PACRG: variants seen among roughly 807,000 people sequenced by gnomAD.
PACRG encodes parkin coregulated gene protein.
A neutral mutation model predicts 29.7 loss-of-function variants in PACRG; 29 were observed. That is an observed-to-expected ratio of 0.98 (90% CI 0.73 to 1.33). PACRG has a LOEUF of 1.33. Ranked by LOEUF, PACRG falls within the 40% of genes most tolerant of loss-of-function variation. PACRG has a pLI of 0.00. For synonymous variants in PACRG, 116 were observed against 118.7 expected (o/e 0.98, Z 0.15); for missense variants, 279 against 316.2 (o/e 0.88, Z 0.89).
intron 1 of PACRG, among the ~76,000 whole-genome samples, chr6:162,807,049 A>G (rs1043524392): frequency 1.3e-5 from 2 of 152,214 alleles, no homozygotes; most frequent in Non-Finnish European, 2.9e-5. Context: ...TTCTTTCCAT[A>G]CATCTCACAA....
At chr6:162,947,465 T>C (rs1229811173) in intron 2 of PACRG, among the ~76,000 whole-genome samples, 1 of 23,124 alleles carries the variant, frequency 4.3e-5, no homozygotes, top group Non-Finnish European at 1.5e-4. Context: ...TATATAATCA[T>C]ATATAATATA....
chr6:162,896,145 G>A (rs924631271), intron 2 of PACRG, among the ~76,000 whole-genome samples: 13 of 152,202 alleles, frequency 8.5e-5, no homozygotes, highest in African/African-American at 3.1e-4. Context: ...GGCCTAGGCA[G>A]GGTGGTCACA....
At chr6:162,933,864 G>A (rs755253063) in intron 2 of PACRG, among the ~76,000 whole-genome samples, 6 of 152,310 alleles carry the variant, frequency 3.9e-5, no homozygotes, top group Non-Finnish European at 7.4e-5. Context: ...GAAGGCAAAG[G>A]TGAACATGTG....
intron 2 of PACRG, among the ~76,000 whole-genome samples, chr6:162,866,563 A>G (rs1335226273): frequency 6.6e-6 from 1 of 152,170 alleles, no homozygotes; most frequent in Non-Finnish European, 1.5e-5. Flanking sequence ...GCCACTTCAG[A>G]TATTTCATTA....
chr6:163,210,302 A>T (rs892006359), intron 4 of PACRG, among the ~76,000 whole-genome samples: 3 of 152,252 alleles, frequency 2.0e-5, no homozygotes, highest in African/African-American at 7.2e-5. Flanking sequence ...TTGTAATACC[A>T]ATGTGTAATC....
intron 1 of PACRG, among the ~76,000 whole-genome samples, chr6:162,746,848 T>C (rs138680429): frequency 6.6e-6 from 1 of 152,304 alleles, no homozygotes; most frequent in East Asian, 1.9e-4. Flanking sequence ...GGTAATTAAT[T>C]GACTAGGATC....
At chr6:163,235,197 A>G (rs1469512632) in intron 4 of PACRG, among the ~76,000 whole-genome samples, 3 of 152,172 alleles carry the variant, frequency 2.0e-5, no homozygotes, top group African/African-American at 7.2e-5. Flanking sequence ...AGCAGTTCAG[A>G]CGCACCACAT....
At chr6:163,224,629 C>A (rs1441790998) in intron 4 of PACRG, among the ~76,000 whole-genome samples, 2 of 152,010 alleles carry the variant, frequency 1.3e-5, no homozygotes, top group Admixed American at 1.3e-4. Flanking sequence ...AACTGGATAT[C>A]CACATGCAGA....
At chr6:163,163,381 C>T (rs1778648522) in intron 4 of PACRG, among the ~76,000 whole-genome samples, 1 of 152,186 alleles carries the variant, frequency 6.6e-6, no homozygotes, top group African/African-American at 2.4e-5. Context: ...AAGCGATTCT[C>T]CTGCCTCAGC....
chr6:163,302,454 G>A (rs946763758), intron 4 of PACRG, among the ~76,000 whole-genome samples: 1 of 152,178 alleles, frequency 6.6e-6, no homozygotes, highest in African/African-American at 2.4e-5. Flanking sequence ...AGCTTGGAAA[G>A]ATATTTCTAG....
intron 4 of PACRG, among the ~76,000 whole-genome samples, chr6:163,241,607 C>A (rs1782511047): frequency 6.6e-6 from 1 of 152,138 alleles, no homozygotes; most frequent in Non-Finnish European, 1.5e-5. Context: ...CAGGAGCCAC[C>A]CCTCAATGGG....
chr6:163,258,851 T>G (rs1055359240), intron 4 of PACRG, among the ~76,000 whole-genome samples: 3 of 152,176 alleles, frequency 2.0e-5, no homozygotes, highest in African/African-American at 4.8e-5. Context: ...CCAACAATTT[T>G]TATTAACACT....
chr6:163,189,368 T>TA (rs1562956099), intron 4 of PACRG: 1 of 152,170 alleles, frequency 6.6e-6, no homozygotes, highest in Admixed American at 6.5e-5. Flanking sequence ...CAGGACAATT[T>TA]AAAAAAAGAG....
At chr6:163,231,751 G>A (rs1248074811) in intron 4 of PACRG, among the ~76,000 whole-genome samples, 1 of 152,110 alleles carries the variant, frequency 6.6e-6, no homozygotes, top group Non-Finnish European at 1.5e-5. Flanking sequence ...AGCTTGCATA[G>A]TTTCAGAATC....
At chr6:163,052,841 C>G (rs2128249666) in intron 2 of PACRG, among the ~76,000 whole-genome samples, 1 of 152,202 alleles carries the variant, frequency 6.6e-6, no homozygotes, top group Middle Eastern at 3.4e-3. Flanking sequence ...AATTTTATTG[C>G]TGCTGACCAA....
chr6:163,213,363 T>A (rs368339896), intron 4 of PACRG, among the ~76,000 whole-genome samples: 10 of 151,930 alleles, frequency 6.6e-5, no homozygotes, highest in African/African-American at 2.2e-4. Flanking sequence ...TAAAGAGACA[T>A]CACAAATAAT....
intron 4 of PACRG, among the ~76,000 whole-genome samples, chr6:163,276,988 C>T (rs192364608): frequency 1.1e-4 from 17 of 152,320 alleles, no homozygotes; most frequent in Admixed American, 7.8e-4. Flanking sequence ...TTTTCATATT[C>T]GTTCTGTTTC....
At chr6:163,054,538 G>A (rs577874) in intron 2 of PACRG, among the ~76,000 whole-genome samples, 46,634 of 152,138 alleles carry the variant, frequency 0.31, 7,948 homozygotes, top group East Asian at 0.68. Context: ...AGGAGGAACT[G>A]CTGCGGGACT....
At chr6:162,893,175 G>A (rs189273039) in intron 2 of PACRG, among the ~76,000 whole-genome samples, 6 of 152,110 alleles carry the variant, frequency 3.9e-5, no homozygotes, top group South Asian at 2.1e-4. Flanking sequence ...ACTTGGTGCC[G>A]CTCACCCAAA....
Sources: allele counts gnomAD v4.1 joint callset (sites outside exome capture counted in the v4.1 genomes callset), GRCh38; gene constraint gnomAD v4.1.1; transcripts MANE v1.5; gene names NCBI Gene and HGNC (gene_info 2026-07-23, HGNC 2026-07-21).